SKI: variants seen among roughly 807,000 people sequenced by gnomAD.
The protein encoded by SKI is SKI proto-oncogene, also known as ski oncogene.
SKI carries 23 observed loss-of-function variants against 59.3 expected under a neutral mutation model. The ratio of observed to expected loss-of-function variants is 0.39; its 90% confidence interval spans 0.28 to 0.55. SKI has a LOEUF of 0.55. Ranked by LOEUF, SKI falls within the 20% of genes least tolerant of loss-of-function variation. SKI has a pLI of 0.67. For missense variants in SKI, 1,017 were observed against 1,038.9 expected, an observed-to-expected ratio of 0.98 and a Z score of 0.29; for synonymous variants, 673 against 488.6, an observed-to-expected ratio of 1.38 and a Z score of -4.98.
chr1:2,302,975 C>A lies in SKI; in HGVS notation c.970-3C>A. 6.2e-7 allele frequency: 1 copy of A among 1,613,490 alleles called. No individual in the cohort carries two copies. The highest frequency in any genetic ancestry group is 1.1e-5 in the South Asian group (1 of 91,088). On this transcript the variant is annotated splice_polypyrimidine_tract_variant and splice_region_variant and intron_variant, in intron 1 of 6. Coordinates refer to ENST00000378536, the MANE Select transcript of SKI (RefSeq NM_003036.4). ...TGCCAACAAAACCTTTCATTGATCG[C>A]AGGTCTCCTCTGAGCCTCCGGCCTC...
At chr1:2,271,350 C>G (rs1639614615) in intron 1 of SKI, among the ~76,000 whole-genome samples, 1 of 151,992 alleles carries the variant, frequency 6.6e-6, no homozygotes, top group Non-Finnish European at 1.5e-5. Flanking sequence ...CCAGAGAAAC[C>G]AGGCAGCCTC....
In SKI at chr1:2,255,545, C is replaced by T. The variant is rs867911068; in HGVS notation, c.969+25810C>T. Among the ~76,000 whole-genome samples the T allele has an allele frequency of 3.9e-5, 6 of 151,992 alleles. No homozygotes were observed. The South Asian group carries it at 8.3e-4, about 21-fold the overall frequency. On this transcript the variant is annotated intron_variant, in intron 1 of 6. Coordinates refer to ENST00000378536, the MANE Select transcript of SKI (RefSeq NM_003036.4). ...TCCTGACCTCATTTCCTGTCTGTGC[C>T]GCTCTGTCCTGACCTCATTTTCTGT...
Position 2,303,373 on chromosome 1 carries a change from C to G in SKI, c.1184C>G (p.Pro395Arg). 1 of 1,613,536 alleles carries G rather than the reference C, an allele frequency of 6.2e-7. No homozygotes were observed. The highest frequency in any genetic ancestry group is 8.5e-7 in the Non-Finnish European group (1 of 1,179,998). ...TCAGCGAGTGAGAAAGAGCTCTCCCCACACCTCCCGGCCCTCATCCGAGAC... is the reference window on the plus strand; with the variant it reads ...TCAGCGAGTGAGAAAGAGCTCTCCCGACACCTCCCGGCCCTCATCCGAGAC... ...AVSASEKELS[P>R]HLPALIRDSF... The change falls in exon 3 of 7, where the codon CCA (proline) becomes CGA (arginine). Residue 395 changes from proline (P) to arginine (R), a missense_variant. By Grantham distance (103) the Pro-to-Arg change is moderately radical (BLOSUM62 -2). Transcript: ENST00000378536. This position sits in a 1 kb window ranked among gnomAD's most constrained non-coding sequence, Gnocchi z 5.6.
chr1:2,275,660 G>C (rs1639726142), intron 1 of SKI, among the ~76,000 whole-genome samples: 1 of 152,196 alleles, frequency 6.6e-6, no homozygotes, highest in Non-Finnish European at 1.5e-5. Flanking sequence ...CTACAGGCGT[G>C]TGCCATCACA....
intron 6 of SKI, 90 bp downstream of exon 6, chr1:2,306,340 C>A: frequency 7.9e-7 from 1 of 1,271,590 alleles, no homozygotes; most frequent in Non-Finnish European, 1.1e-6. Flanking sequence ...CCGGAAAGGC[C>A]TTGGAGCAGA....
At chr1:2,284,507 T>C (rs904989471) in intron 1 of SKI, among the ~76,000 whole-genome samples, 6 of 152,168 alleles carry the variant, frequency 3.9e-5, no homozygotes, top group African/African-American at 1.4e-4. Flanking sequence ...CCCTGTTCTG[T>C]GGAGCAGGGC....
chr1:2,262,066 A>T (rs1639399511), intron 1 of SKI, among the ~76,000 whole-genome samples: 1 of 111,182 alleles, frequency 9.0e-6, no homozygotes, highest in Non-Finnish European at 1.7e-5. Context: ...GTGGAATCAG[A>T]GTTTGGGTGG....
chr1:2,280,804 C>T (rs375574045), intron 1 of SKI, among the ~76,000 whole-genome samples: 1 of 11,380 alleles, frequency 8.8e-5, no homozygotes, highest in Non-Finnish European at 1.9e-4. Flanking sequence ...CAGGCGGTGG[C>T]GGAGATCTTC....
intron 1 of SKI, among the ~76,000 whole-genome samples, chr1:2,253,011 G>A (rs1639195570): frequency 6.6e-6 from 1 of 151,804 alleles, no homozygotes; most frequent in Non-Finnish European, 1.5e-5. Context: ...CATGAGAAGA[G>A]CTTGAATCCG....
At chr1:2,257,645 A>T (rs1041080392) in intron 1 of SKI, among the ~76,000 whole-genome samples, 2 of 152,050 alleles carry the variant, frequency 1.3e-5, no homozygotes, top group Non-Finnish European at 2.9e-5. Flanking sequence ...TTAAAACTGG[A>T]TTTCTTTCCT....
chr1:2,297,331 C>T (rs1323476815), intron 1 of SKI, among the ~76,000 whole-genome samples: 3 of 152,194 alleles, frequency 2.0e-5, no homozygotes, highest in African/African-American at 7.2e-5. Flanking sequence ...TCAGCCACAC[C>T]GAAGAGAACC....
intron 1 of SKI, among the ~76,000 whole-genome samples, chr1:2,278,709 A>G (rs1420321436): frequency 6.7e-6 from 1 of 149,408 alleles, no homozygotes; most frequent in Non-Finnish European, 1.5e-5. Flanking sequence ...CCAGCTCCCC[A>G]CCTGATCTCT....
chr1:2,251,460 G>A (rs1639146039), intron 1 of SKI, among the ~76,000 whole-genome samples: 1 of 152,086 alleles, frequency 6.6e-6, no homozygotes, highest in South Asian at 2.1e-4. Context: ...TTCAGAGCCG[G>A]CAGGGTTTTC....
chr1:2,287,693 G>A (rs12058786), intron 1 of SKI, among the ~76,000 whole-genome samples: 39 of 152,176 alleles, frequency 2.6e-4, no homozygotes, highest in Admixed American at 2.2e-3. Flanking sequence ...TCTTGCATGC[G>A]TCACCTTCCC....
intron 1 of SKI, among the ~76,000 whole-genome samples, chr1:2,261,771 G>C (rs1639391807): frequency 6.6e-6 from 1 of 152,288 alleles, no homozygotes; most frequent in African/African-American, 2.4e-5. Context: ...CTCCAGGGCA[G>C]TTTGAATAGG....
chr1:2,264,641 C>T (rs1263526640), intron 1 of SKI, among the ~76,000 whole-genome samples: 1 of 152,036 alleles, frequency 6.6e-6, no homozygotes, highest in Non-Finnish European at 1.5e-5. Flanking sequence ...CTCAAGCAGT[C>T]TGCCCTCCCC....
intron 1 of SKI, among the ~76,000 whole-genome samples, chr1:2,293,642 G>A (rs933673467): frequency 1.4e-4 from 21 of 152,278 alleles, no homozygotes; most frequent in East Asian, 7.7e-4. Context: ...TCATTCCCCC[G>A]TGTCTTGCTT....
intron 1 of SKI, among the ~76,000 whole-genome samples, chr1:2,272,306 A>C (rs1208009596): frequency 2.0e-5 from 3 of 152,238 alleles, no homozygotes; most frequent in Non-Finnish European, 4.4e-5. Context: ...AAATTAAGCA[A>C]AACACACATA....
intron 1 of SKI, among the ~76,000 whole-genome samples, chr1:2,255,636 T>C (rs1036045956): frequency 1.3e-5 from 2 of 152,108 alleles, no homozygotes; most frequent in Non-Finnish European, 2.9e-5. Context: ...CTGCATTTCC[T>C]GTCTGGAGCT....
Sources: allele counts gnomAD v4.1 joint callset (sites outside exome capture counted in the v4.1 genomes callset), GRCh38; gene constraint gnomAD v4.1.1; non-coding constraint Gnocchi (gnomAD v3.1); transcripts MANE v1.5; gene names NCBI Gene and HGNC (gene_info 2026-07-23, HGNC 2026-07-21).